SHTN1: variants seen among roughly 807,000 people sequenced by gnomAD.
SHTN1 encodes shootin-1.
In SHTN1, 42 loss-of-function variants were observed where a neutral mutation model predicts 83.1. That is an observed-to-expected ratio of 0.51 (90% CI 0.39 to 0.65). SHTN1 has a LOEUF of 0.65. Among genes scored for constraint, SHTN1 ranks in the 30% least tolerant of loss-of-function variants. The pLI is 0.00. For missense variants in SHTN1, 622 were observed against 737.8 expected, an observed-to-expected ratio of 0.84 and a Z score of 1.82; for synonymous variants, 224 against 247.7, an observed-to-expected ratio of 0.90 and a Z score of 0.90.
chr10:117,017,079 A>G (rs1852190274), intron 2 of SHTN1, among the ~76,000 whole-genome samples: 1 of 152,180 alleles, frequency 6.6e-6, no homozygotes, highest in Non-Finnish European at 1.5e-5. Context: ...AGATGAACCT[A>G]GAGCATCTTG....
At chr10:117,040,966 A>G (rs1430711472) in intron 2 of SHTN1, among the ~76,000 whole-genome samples, 1 of 151,256 alleles carries the variant, frequency 6.6e-6, no homozygotes, top group Admixed American at 6.6e-5. Flanking sequence ...TTTTTATTAT[A>G]CTTTAAGTTT....
intron 1 of SHTN1, among the ~76,000 whole-genome samples, chr10:116,989,722 T>C (rs1041845346): frequency 6.6e-6 from 1 of 152,216 alleles, no homozygotes; most frequent in African/African-American, 2.4e-5. Context: ...CTATCACTTC[T>C]CTAAAATGAA....
At position 116,953,881 on chromosome 10, in the gene SHTN1, G is replaced by C. The variant is rs553083691; in HGVS notation, c.436+161C>G. ...TGACCTCAGGTGATCCACCCGCCTT[G>C]GCCTCCCAAAGTGCTAGGATTACAG... On this transcript the variant is annotated intron_variant, in intron 5 of 16. Transcript: ENST00000355371. Among the ~76,000 whole-genome samples the C allele has an allele frequency of 2.4e-4, 36 of 151,960 alleles. No homozygotes were observed. The South Asian group carries it at 2.9e-3, about 12-fold the overall frequency.
chr10:116,921,626 A>G (rs1848570662), intron 11 of SHTN1, 110 bp from the exon 12 acceptor site: 1 of 672,684 alleles, frequency 1.5e-6, no homozygotes, highest in East Asian at 2.8e-5. Context: ...CTAGAATCTA[A>G]GTAGTCTACG....
chr10:117,069,119 G>A (rs967467792), intron 1 of SHTN1, among the ~76,000 whole-genome samples: 1 of 152,154 alleles, frequency 6.6e-6, no homozygotes, highest in African/African-American at 2.4e-5. Context: ...GCAAAAGTAG[G>A]AGAAAACCAG....
upstream of SHTN1, among the ~76,000 whole-genome samples, chr10:117,006,869 C>T (rs1368162546): frequency 6.6e-6 from 1 of 151,576 alleles, no homozygotes; most frequent in East Asian, 1.9e-4. Flanking sequence ...AATCCTGTAA[C>T]TAGTGTCTTT....
intron 1 of SHTN1, among the ~76,000 whole-genome samples, chr10:117,102,881 G>C (rs979431024): frequency 6.6e-6 from 1 of 152,050 alleles, no homozygotes; most frequent in Non-Finnish European, 1.5e-5. Context: ...CTACTGGCCC[G>C]GCATCTTTAC....
chr10:116,915,280 C>T lies in SHTN1; in HGVS notation c.1305+95G>A. Reference sequence around the variant, plus strand: ...ACATTAGCTTTATCCTAAGATCTGACAGTGGGTCCTGATGCAGCTTTCATC... The same window carrying T: ...ACATTAGCTTTATCCTAAGATCTGATAGTGGGTCCTGATGCAGCTTTCATC... On this transcript the variant is annotated intron_variant, in intron 13 of 16. Transcript: ENST00000355371. The T allele has an allele frequency of 4.2e-6, 3 of 715,156 alleles. 1 individual carries two copies. Among genetic ancestry groups the T allele is most frequent in the Admixed American group, 4.5e-5 (2 of 44,658 alleles). 44.3% of individuals were successfully genotyped at this position (715,156 alleles called of 1,614,324 possible).
intron 10 of SHTN1, among the ~76,000 whole-genome samples, chr10:116,929,476 TTTAA>T (rs1430901861): frequency 6.6e-6 from 1 of 152,164 alleles, no homozygotes; most frequent in African/African-American, 2.4e-5. Flanking sequence ...TTTTAAAAAG[TTTAA>T]TTCTTTCTAA....
chr10:116,931,312 G>A (rs537468471), intron 9 of SHTN1, among the ~76,000 whole-genome samples: 5 of 152,226 alleles, frequency 3.3e-5, no homozygotes, highest in Non-Finnish European at 7.4e-5. Flanking sequence ...GCAGTGGCGC[G>A]ATCTGGGCTC....
chr10:116,929,850 A>G lies in SHTN1; in HGVS notation c.1011T>C (p.Ser337=). The G allele has an allele frequency of 2.5e-6, 4 of 1,599,282 alleles. No individual in the cohort carries two copies. Among genetic ancestry groups the G allele is most frequent in the South Asian group, 1.1e-5 (1 of 88,124 alleles). The change falls in exon 10 of 17, where the codon TCT becomes TCC. Residue 337 remains serine, a splice_region_variant and synonymous_variant. Coordinates refer to ENST00000355371, the MANE Select transcript of SHTN1 (RefSeq NM_001127211.3). Reference sequence around the variant, plus strand: ...TAGTAGCCTACTCAATGCTTTTACCAGAGTGCTTTAAATTTCTGGCTTTCT... The same window carrying G: ...TAGTAGCCTACTCAATGCTTTTACCGGAGTGCTTTAAATTTCTGGCTTTCT... ...SEEKARNLKH[S]VDELQKRVNQ...
At chr10:117,106,680 C>A (rs1287548310) in intron 1 of SHTN1, among the ~76,000 whole-genome samples, 2 of 152,144 alleles carry the variant, frequency 1.3e-5, no homozygotes, top group Non-Finnish European at 2.9e-5. Context: ...AAGCCAAACT[C>A]GAACAAGCTC....
At chr10:117,011,258 T>C (rs1024384229) in intron 2 of SHTN1, among the ~76,000 whole-genome samples, 2 of 152,230 alleles carry the variant, frequency 1.3e-5, no homozygotes, top group Non-Finnish European at 2.9e-5. Context: ...GGTCCATTTT[T>C]AGTTAATTTT....
chr10:116,989,139 G>A (rs971632054), intron 1 of SHTN1, among the ~76,000 whole-genome samples: 2 of 152,066 alleles, frequency 1.3e-5, no homozygotes, highest in Non-Finnish European at 2.9e-5. Context: ...GTATAAGAAT[G>A]TAAGCAGAAT....
At chr10:117,006,741 G>A (rs1319145690), upstream of SHTN1, among the ~76,000 whole-genome samples, 1 of 151,928 alleles carries the variant, frequency 6.6e-6, no homozygotes, top group Non-Finnish European at 1.5e-5. Context: ...TCTTAGTTTG[G>A]GTACAGCAAC....
chr10:117,096,325 A>G (rs1334810862), intron 1 of SHTN1, among the ~76,000 whole-genome samples: 1 of 152,238 alleles, frequency 6.6e-6, no homozygotes, highest in Non-Finnish European at 1.5e-5. Context: ...TAGTACAGGT[A>G]CCCATATGAT....
intron 12 of SHTN1, among the ~76,000 whole-genome samples, chr10:116,919,921 G>A (rs1848495185): frequency 6.6e-6 from 1 of 152,042 alleles, no homozygotes; most frequent in African/African-American, 2.4e-5. Flanking sequence ...CCTGCTAAGA[G>A]AGAAAAAAAC....
chr10:117,101,233 T>C (rs560558606), intron 1 of SHTN1, among the ~76,000 whole-genome samples: 1 of 152,344 alleles, frequency 6.6e-6, no homozygotes, highest in African/African-American at 2.4e-5. Context: ...AAACACCTTA[T>C]ATAACATTGT....
At chr10:116,987,689 G>A (rs180970264) in intron 1 of SHTN1, among the ~76,000 whole-genome samples, 35 of 152,144 alleles carry the variant, frequency 2.3e-4, no homozygotes, top group African/African-American at 7.5e-4. Flanking sequence ...GGCCTTGGTG[G>A]GCGGATCACA....
Sources: allele counts gnomAD v4.1 joint callset (sites outside exome capture counted in the v4.1 genomes callset), GRCh38; gene constraint gnomAD v4.1.1; transcripts MANE v1.5; gene names NCBI Gene and HGNC (gene_info 2026-07-23, HGNC 2026-07-21).